The following POLN variants were observed in gnomAD, a reference collection of about 807,000 sequenced individuals.
POLN encodes DNA polymerase N.
Under a neutral mutation model 113.5 loss-of-function variants are expected in POLN, and 108 were observed. That is an observed-to-expected ratio of 0.95 (90% CI 0.81 to 1.12). The LOEUF is 1.12. Among genes scored for constraint, POLN ranks in the 50% most tolerant of loss-of-function variants. The pLI is 0.00. For synonymous variants in POLN, 386 were observed against 391.5 expected (o/e 0.99, Z 0.17); for missense variants, 1,097 against 1,077.1 (o/e 1.02, Z -0.26).
intron 19 of POLN, among the ~76,000 whole-genome samples, chr4:2,104,979 G>A (rs949521911): frequency 1.7e-4 from 26 of 152,326 alleles, no homozygotes; most frequent in African/African-American, 6.3e-4. Flanking sequence ...GTCACATGCA[G>A]CCCAAGAGCA....
At chr4:2,116,266 C>T (rs764922652) in intron 19 of POLN, among the ~76,000 whole-genome samples, 2 of 152,202 alleles carry the variant, frequency 1.3e-5, no homozygotes, top group Non-Finnish European at 2.9e-5. Context: ...CACCAACCCA[C>T]ATGTTAATTA....
chr4:2,203,847 C>T (rs938442954), intron 5 of POLN, among the ~76,000 whole-genome samples: 1 of 151,992 alleles, frequency 6.6e-6, no homozygotes, highest in African/African-American at 2.4e-5. Context: ...CAGGGGCTCA[C>T]GCCTGTAATC....
At chr4:2,232,241 A>G (rs1174528190) in intron 2 of POLN, 3 of 655,098 alleles carry the variant, frequency 4.6e-6, no homozygotes, top group African/African-American at 3.9e-5. Context: ...ATTTACATGG[A>G]AAGACTTTAA....
intron 13 of POLN, among the ~76,000 whole-genome samples, chr4:2,169,530 G>A (rs189430735): frequency 6.6e-5 from 10 of 152,130 alleles, no homozygotes; most frequent in Non-Finnish European, 1.0e-4. Flanking sequence ...GAGCTTTTAC[G>A]TCTGGCACGG....
chr4:2,131,304 G>T lies in POLN; in HGVS notation c.1732-14C>A, dbSNP rs779761338. 1.2e-5 allele frequency: 18 copies of T among 1,533,168 alleles called. No homozygotes were observed. Among genetic ancestry groups the T allele is most frequent in the Non-Finnish European group, 1.6e-5 (18 of 1,109,630 alleles). 95.0% of individuals were successfully genotyped at this position (1,533,168 alleles called of 1,614,324 possible). A position where few individuals can be genotyped will look rare whatever the true frequency, so the allele number is the denominator to read the frequency against. On this transcript the variant is annotated splice_polypyrimidine_tract_variant and intron_variant, in intron 16 of 25. Transcript: ENST00000511885. ...ACCTTGGATATTCTGTTAATAATAA[G>T]AGACTAGCTTTAGTTAAAATATCTA... is the stretch of plus-strand genomic sequence containing the variant.
chr4:2,115,568 T>A (rs556999975), intron 19 of POLN, among the ~76,000 whole-genome samples: 1 of 152,358 alleles, frequency 6.6e-6, no homozygotes, highest in African/African-American at 2.4e-5. Context: ...TTGATTTCCA[T>A]TGGCTACTTA....
At chr4:2,121,177 G>A (rs1267732839) in intron 19 of POLN, among the ~76,000 whole-genome samples, 2 of 152,124 alleles carry the variant, frequency 1.3e-5, no homozygotes, top group African/African-American at 2.4e-5. Context: ...GCTCATGCCT[G>A]TAATCCTAGC....
At position 2,090,342 on chromosome 4, in the gene POLN, A is replaced by C. The variant is rs1730637317; in HGVS notation, c.2066-4598T>G. 3.1e-5 allele frequency: 24 copies of C among 781,308 alleles called. No homozygotes were observed. The South Asian group carries it at 4.2e-4, about 14-fold the overall frequency. The allele number at this position is 781,308 out of a possible 1,614,324, so 48.4% of individuals were successfully genotyped here. ...TATTTCATCTGGCACAGCATCTCCA[A>C]GTACTTTCTCTCATGTGATCAAGGC... is the stretch of plus-strand genomic sequence containing the variant. On this transcript the variant is annotated intron_variant, in intron 20 of 25. Coordinates refer to ENST00000511885, the MANE Select transcript of POLN (RefSeq NM_181808.4).
intron 23 of POLN, 101 bp from the exon 24 acceptor site, chr4:2,075,620 G>A (rs937785725): frequency 1.6e-6 from 2 of 1,270,050 alleles, no homozygotes; most frequent in East Asian, 2.3e-5. Flanking sequence ...GGCCAGGACT[G>A]TGAGGCGGGG....
chr4:2,214,398 C>A (rs540951137), intron 3 of POLN, among the ~76,000 whole-genome samples: 38 of 152,262 alleles, frequency 2.5e-4, no homozygotes, highest in Admixed American at 1.8e-3. Flanking sequence ...ACTAGCACCA[C>A]ATCAAAAAGA....
At chr4:2,123,314 AC>A (rs1464729246) in intron 19 of POLN, among the ~76,000 whole-genome samples, 1 of 151,674 alleles carries the variant, frequency 6.6e-6, no homozygotes, top group South Asian at 2.1e-4. Flanking sequence ...ACATGGCGAA[AC>A]CTCATCTCTA....
intron 4 of POLN, 40 bp downstream of exon 4, chr4:2,213,007 A>G: frequency 7.1e-7 from 1 of 1,409,536 alleles, no homozygotes; most frequent in Non-Finnish European, 9.9e-7. Context: ...TGAACAAATA[A>G]GTTATCTATT....
intron 16 of POLN, among the ~76,000 whole-genome samples, chr4:2,155,050 A>C (rs1290720924): frequency 6.6e-6 from 1 of 152,250 alleles, no homozygotes; most frequent in Non-Finnish European, 1.5e-5. Context: ...CAAGAGATTT[A>C]CTGAAAATGT....
At chr4:2,092,951 G>C (rs1042858472) in intron 20 of POLN, among the ~76,000 whole-genome samples, 1 of 152,248 alleles carries the variant, frequency 6.6e-6, no homozygotes, top group East Asian at 1.9e-4. Flanking sequence ...TGTCAAGCCA[G>C]ACCGGAACAA....
At chr4:2,190,176 G>C (rs1360893912) in intron 7 of POLN, among the ~76,000 whole-genome samples, 1 of 152,100 alleles carries the variant, frequency 6.6e-6, no homozygotes, top group Non-Finnish European at 1.5e-5. Context: ...CAAAGCTATA[G>C]TAACCAAGAC....
At chr4:2,219,435 A>G (rs1734199274) in intron 3 of POLN, among the ~76,000 whole-genome samples, 1 of 152,068 alleles carries the variant, frequency 6.6e-6, no homozygotes, top group African/African-American at 2.4e-5. Context: ...TCCTTCAGTC[A>G]GTTGGTTCCA....
At chr4:2,155,912 G>A (rs939882427) in intron 16 of POLN, among the ~76,000 whole-genome samples, 1 of 151,922 alleles carries the variant, frequency 6.6e-6, no homozygotes. Flanking sequence ...TCGGCTCACT[G>A]CAAGCTCCGC....
intron 19 of POLN, among the ~76,000 whole-genome samples, chr4:2,118,923 C>G (rs896013474): frequency 6.6e-6 from 1 of 152,206 alleles, no homozygotes; most frequent in African/African-American, 2.4e-5. Flanking sequence ...AGAGGAACCA[C>G]GTGCAGACTC....
chr4:2,240,059 A>G, intron 2 of POLN: 1 of 1,613,230 alleles, frequency 6.2e-7, no homozygotes, highest in East Asian at 2.2e-5. Context: ...GGCTGTGAAG[A>G]CTCTCCTCTG....
Sources: gnomAD v4.1 joint callset for allele counts (sites outside exome capture counted in the v4.1 genomes callset) on GRCh38, gnomAD v4.1.1 for gene constraint, MANE v1.5 for transcripts, NCBI Gene and HGNC (gene_info 2026-07-23, HGNC 2026-07-21) for gene names.